Variants in RTTN observed in about 807,000 individuals in gnomAD.
RTTN encodes the protein rotatin.
RTTN carries 182 observed loss-of-function variants against 269.2 expected under a neutral mutation model. The ratio of observed to expected loss-of-function variants is 0.68; its 90% CI spans 0.60 to 0.76. The LOEUF (loss-of-function observed/expected upper bound fraction) is 0.76, where lower values mean the gene tolerates loss of function less well. Among genes scored for constraint, RTTN ranks in the 30% least tolerant of loss-of-function variants. The pLI is 0.00. For missense variants in RTTN, 2,545 were observed against 2,608.6 expected (o/e 0.98, Z 0.53); for synonymous variants, 1,006 against 963.5 (o/e 1.04, Z -0.82).
At chr18:70,049,120 TAGTA>T (rs1235856962) in intron 39 of RTTN, among the ~76,000 whole-genome samples, 1 of 152,198 alleles carries the variant, frequency 6.6e-6, no homozygotes, top group African/African-American at 2.4e-5. Flanking sequence ...AAGGTCCAAG[TAGTA>T]AGTATTTTAT....
intron 25 of RTTN, 136 bp downstream of exon 25, chr18:70,127,366 T>C (rs2059891535): frequency 1.0e-6 from 1 of 994,210 alleles, no homozygotes; most frequent in African/African-American, 1.6e-5. Context: ...TTATTACAGA[T>C]GATAAAAATC....
intron 27 of RTTN, among the ~76,000 whole-genome samples, chr18:70,112,030 C>T (rs1271142693): frequency 1.3e-5 from 2 of 152,090 alleles, no homozygotes; most frequent in Non-Finnish European, 2.9e-5. Flanking sequence ...AATTTTCAAC[C>T]CAGAATTTCA....
chr18:70,205,370 T>G, intron 1 of RTTN, 55 bp from the exon 2 acceptor site: 1 of 1,597,890 alleles, frequency 6.3e-7, no homozygotes, highest in Non-Finnish European at 8.6e-7. Flanking sequence ...GAGACTACGT[T>G]ATTTATGCTG....
At chr18:70,156,773 T>C (rs528023266) in intron 14 of RTTN, among the ~76,000 whole-genome samples, 9 of 152,286 alleles carry the variant, frequency 5.9e-5, no homozygotes, top group African/African-American at 1.4e-4. Context: ...TACGTGACTA[T>C]TGGGGCAGGT....
At chr18:70,058,983 G>A (rs1016719634) in intron 36 of RTTN, among the ~76,000 whole-genome samples, 2 of 152,172 alleles carry the variant, frequency 1.3e-5, no homozygotes, top group South Asian at 2.1e-4. Flanking sequence ...GCAAGAAGAT[G>A]CAAGACATTT....
At chr18:70,173,750 C>T (rs9948115) in intron 11 of RTTN, among the ~76,000 whole-genome samples, 3 of 151,962 alleles carry the variant, frequency 2.0e-5, no homozygotes, top group South Asian at 2.1e-4. Flanking sequence ...GATAACCTCA[C>T]GTTTAAAAAT....
chr18:70,030,235 TTCAG>T, intron 41 of RTTN, 126 bp from the exon 42 acceptor site: 2 of 617,074 alleles, frequency 3.2e-6, no homozygotes, highest in South Asian at 2.4e-5. Flanking sequence ...TTTTAGAATT[TTCAG>T]TCAGAGATTA....
At chr18:70,120,825 CG>C (rs1475709421) in intron 26 of RTTN, among the ~76,000 whole-genome samples, 2 of 151,932 alleles carry the variant, frequency 1.3e-5, no homozygotes, top group African/African-American at 2.4e-5. Context: ...CCAAGGTGGG[CG>C]GATCACCTGA....
chr18:70,102,323 T>C (rs1190643346), intron 28 of RTTN, among the ~76,000 whole-genome samples: 1 of 152,204 alleles, frequency 6.6e-6, no homozygotes, highest in African/African-American at 2.4e-5. Context: ...CCCTTTACCA[T>C]TATGTAATGG....
At chr18:70,059,554 A>C (rs571837394) in intron 36 of RTTN, among the ~76,000 whole-genome samples, 1 of 152,330 alleles carries the variant, frequency 6.6e-6, no homozygotes, top group East Asian at 1.9e-4. Flanking sequence ...GGATAGCACC[A>C]TATTCCTTAA....
intron 34 of RTTN, among the ~76,000 whole-genome samples, chr18:70,073,696 C>T (rs2058354970): frequency 6.6e-6 from 1 of 152,172 alleles, no homozygotes; most frequent in Non-Finnish European, 1.5e-5. Context: ...TTCAGAGTGG[C>T]TTGCGCACAC....
intron 14 of RTTN, among the ~76,000 whole-genome samples, chr18:70,153,388 A>G (rs992466760): frequency 6.6e-6 from 1 of 152,112 alleles, no homozygotes; most frequent in African/African-American, 2.4e-5. Context: ...CTATCAGAAT[A>G]TAAGCTCTCT....
intron 10 of RTTN, among the ~76,000 whole-genome samples, chr18:70,186,568 G>A (rs2061552649): frequency 6.6e-6 from 1 of 152,086 alleles, no homozygotes; most frequent in Admixed American, 6.5e-5. Flanking sequence ...ACACATACAT[G>A]TGTATGTTCA....
intron 44 of RTTN, among the ~76,000 whole-genome samples, chr18:70,023,120 T>G (rs571890445): frequency 6.6e-6 from 1 of 152,212 alleles, no homozygotes; most frequent in African/African-American, 2.4e-5. Flanking sequence ...GCCCACTCAT[T>G]CTGGGTCGTT....
chr18:70,205,499 T>G, intron 1 of RTTN, 129 bp downstream of exon 1: 1 of 1,389,970 alleles, frequency 7.2e-7, no homozygotes, highest in Non-Finnish European at 1.0e-6. Context: ...CCGGGGGCTA[T>G]CCTGACAAAG....
chr18:70,175,223 C>T (rs903131759), intron 11 of RTTN, among the ~76,000 whole-genome samples: 54 of 151,500 alleles, frequency 3.6e-4, no homozygotes, highest in African/African-American at 1.3e-3. Context: ...AAGTTAAAAA[C>T]TGAAAACACC....
intron 23 of RTTN, chr18:70,129,901 T>C (rs979938332): frequency 1.1e-4 from 16 of 149,206 alleles, no homozygotes; most frequent in Non-Finnish European, 1.6e-4. Context: ...ACCATCAAAA[T>C]ATATAAGGAA....
intron 28 of RTTN, among the ~76,000 whole-genome samples, chr18:70,109,175 G>C (rs768137): frequency 0.83 from 126,479 of 152,126 alleles, 55,668 homozygotes; most frequent in East Asian, 1. Context: ...TTTTGGAGTT[G>C]TTTGGATTTT....
chr18:70,066,027 A>C, intron 34 of RTTN, 105 bp from the exon 35 acceptor site: 1 of 626,556 alleles, frequency 1.6e-6, no homozygotes, highest in Admixed American at 3.3e-5. Context: ...TTAAGACAAA[A>C]TTATACTAGT....
Sources: allele counts gnomAD v4.1 joint callset (sites outside exome capture counted in the v4.1 genomes callset), GRCh38; gene constraint gnomAD v4.1.1; transcripts MANE v1.5; gene names NCBI Gene and HGNC (gene_info 2026-07-23, HGNC 2026-07-21).